AFF2: variants seen among roughly 807,000 people sequenced by gnomAD.
AFF2 encodes ALF transcription elongation factor 2, also known as AF4/FMR2 family member 2.
AFF2 carries 14 observed loss-of-function variants against 76.9 expected under a neutral mutation model. That is an observed-to-expected ratio of 0.18 (90% CI 0.12 to 0.28). AFF2 has a LOEUF of 0.28. AFF2 is among the 10% of genes least tolerant of loss of function. The pLI, the probability that AFF2 is intolerant of heterozygous loss-of-function variation, is 1.00. For missense variants in AFF2, 868 were observed against 1,001.1 expected (o/e 0.87, Z 1.79); for synonymous variants, 398 against 366.7 (o/e 1.09, Z -0.98).
chrX:148,689,196 T>G (rs1270191053), intron 3 of AFF2, among the ~76,000 whole-genome samples: 1 of 111,694 alleles, frequency 9.0e-6, no homozygotes. Context: ...GTCTGTGTCC[T>G]AATCTCTTCT....
At chrX:148,754,905 T>A (rs1299717526) in intron 3 of AFF2, among the ~76,000 whole-genome samples, 1 of 111,658 alleles carries the variant, frequency 9.0e-6, no homozygotes, top group Non-Finnish European at 1.9e-5. Flanking sequence ...TACAAAGGAT[T>A]ACAATGAAAT....
intron 1 of AFF2, among the ~76,000 whole-genome samples, chrX:148,573,461 C>T (rs1353029804): frequency 3.6e-5 from 4 of 110,778 alleles, no homozygotes; most frequent in Non-Finnish European, 7.6e-5. Context: ...CTGTGGAATG[C>T]GATAATCGAT....
At chrX:148,792,245 T>TAAATGCTCAAAA (rs1351103155) in intron 3 of AFF2, among the ~76,000 whole-genome samples, 1 of 112,122 alleles carries the variant, frequency 8.9e-6, no homozygotes. Flanking sequence ...AGGATAGGCC[T>TAAATGCTCAAAA]GGTACACCTA....
intron 5 of AFF2, among the ~76,000 whole-genome samples, chrX:148,838,877 T>C (rs782695332): frequency 2.7e-4 from 30 of 112,231 alleles, no homozygotes; most frequent in Admixed American, 8.5e-4. Flanking sequence ...CTTAATGATC[T>C]TCCTTCACCT....
intron 9 of AFF2, among the ~76,000 whole-genome samples, chrX:148,951,457 G>T (rs189353278): frequency 1.8e-5 from 2 of 111,670 alleles, no homozygotes; most frequent in African/African-American, 6.5e-5. Flanking sequence ...CGTATTAAAA[G>T]AAATGAGTGC....
At chrX:148,879,192 GCA>G (rs1327214137) in intron 7 of AFF2, among the ~76,000 whole-genome samples, 1 of 112,004 alleles carries the variant, frequency 8.9e-6, no homozygotes, top group Non-Finnish European at 1.9e-5. Context: ...TGAGAACTCA[GCA>G]CTGTAGGCTG....
intron 8 of AFF2, among the ~76,000 whole-genome samples, chrX:148,894,900 T>G (rs189910034): frequency 1.0e-3 from 115 of 110,757 alleles, no homozygotes; most frequent in African/African-American, 3.0e-3. Context: ...TAGATAGATA[T>G]ATATATATAT....
intron 1 of AFF2, among the ~76,000 whole-genome samples, chrX:148,583,622 A>AT (rs1441035202): frequency 1.8e-5 from 2 of 111,650 alleles, no homozygotes; most frequent in African/African-American, 3.3e-5. Context: ...TCTATTATAT[A>AT]TTTTTTATCT....
intron 1 of AFF2, among the ~76,000 whole-genome samples, chrX:148,635,851 G>A (rs1393682872): frequency 9.1e-6 from 1 of 109,607 alleles, no homozygotes; most frequent in East Asian, 2.9e-4. Flanking sequence ...GAGGAGCGGG[G>A]GGCAGAGAAG....
At chrX:148,920,664 G>T (rs1406993019) in intron 9 of AFF2, among the ~76,000 whole-genome samples, 1 of 109,524 alleles carries the variant, frequency 9.1e-6, no homozygotes, top group Admixed American at 9.9e-5. Context: ...GGTGGAGGGT[G>T]GTTAAATAAG....
intron 3 of AFF2, among the ~76,000 whole-genome samples, chrX:148,696,436 C>G (rs1478167212): frequency 1.8e-5 from 2 of 110,555 alleles, no homozygotes; most frequent in East Asian, 5.7e-4. Flanking sequence ...TACCCTAAAA[C>G]TTAAAGTATA....
At position 148,971,126 on chromosome X, in the gene AFF2, G is replaced by GTTT. The variant is rs142941450; in HGVS notation, c.3268-2328_3268-2326dup. 4.1e-3 allele frequency among the ~76,000 whole-genome samples: 284 copies of GTTT among 69,113 alleles called. 3 individuals carry two copies. The highest frequency in any genetic ancestry group is 0.014 in the African/African-American group (277 of 19,250). The allele number at this position is 69,113 out of a possible 115,157, so 60.0% of individuals were successfully genotyped here. On this transcript the variant is annotated intron_variant, in intron 15 of 20. Transcript: ENST00000370460. ...AGAACCTTAAGCCGGTAACTTCATT[G>GTTT]TTTTTTTTTTTTTTTTTTTGAAAAT... is the stretch of plus-strand genomic sequence containing the variant.
intron 11 of AFF2, 37 bp from the exon 12 acceptor site, chrX:148,958,300 G>T: frequency 8.3e-7 from 1 of 1,206,082 alleles, no homozygotes; most frequent in Non-Finnish European, 1.1e-6. Flanking sequence ...ATGGTGCCAT[G>T]CATTTCAAGC....
At chrX:148,860,341 G>C in intron 7 of AFF2, among the ~76,000 whole-genome samples, 1 of 112,069 alleles carries the variant, frequency 8.9e-6, no homozygotes. Flanking sequence ...AATTAGATCA[G>C]TTTGCATAAC....
At chrX:148,714,710 T>C (rs1228250613) in intron 3 of AFF2, among the ~76,000 whole-genome samples, 2 of 111,774 alleles carry the variant, frequency 1.8e-5, no homozygotes, top group Non-Finnish European at 3.8e-5. Flanking sequence ...TCCTTCCTCC[T>C]AAGATGTCGC....
intron 1 of AFF2, among the ~76,000 whole-genome samples, chrX:148,580,301 T>C (rs1352116360): frequency 9.0e-6 from 1 of 111,562 alleles, no homozygotes; most frequent in African/African-American, 3.3e-5. Flanking sequence ...TAGGAGGCTC[T>C]TAGGGGGCTT....
intron 1 of AFF2, among the ~76,000 whole-genome samples, chrX:148,557,736 A>C (rs1227695008): frequency 8.9e-6 from 1 of 112,449 alleles, no homozygotes; most frequent in Non-Finnish European, 1.9e-5. Flanking sequence ...TAAATCTATT[A>C]TCTTTATACA....
intron 3 of AFF2, among the ~76,000 whole-genome samples, chrX:148,770,422 G>T (rs1012814036): frequency 7.1e-5 from 8 of 112,082 alleles, no homozygotes; most frequent in East Asian, 2.8e-4. Context: ...GTTTGGCAGG[G>T]TCCCACACAC....
chrX:148,976,380 C>T (rs2072325803), intron 16 of AFF2, among the ~76,000 whole-genome samples: 1 of 112,144 alleles, frequency 8.9e-6, no homozygotes, highest in African/African-American at 3.2e-5. Flanking sequence ...TCCAACTTCA[C>T]CATTTTTGCA....
Sources: gnomAD v4.1 joint callset for allele counts (sites outside exome capture counted in the v4.1 genomes callset) on GRCh38, gnomAD v4.1.1 for gene constraint, MANE v1.5 for transcripts, NCBI Gene and HGNC (gene_info 2026-07-23, HGNC 2026-07-21) for gene names.